PRKD3: variants seen among roughly 807,000 people sequenced by gnomAD.
PRKD3 encodes the protein serine/threonine-protein kinase D3.
PRKD3 carries 47 observed loss-of-function variants against 99.2 expected under a neutral mutation model. The observed-to-expected ratio is 0.47, with a 90% CI of 0.38 to 0.60. The LOEUF is 0.60. PRKD3 is among the 20% of genes least tolerant of loss of function. PRKD3 has a pLI of 0.00. For missense variants in PRKD3, 1,019 were observed against 1,088.4 expected (o/e 0.94, Z 0.90); for synonymous variants, 392 against 355.4 (o/e 1.10, Z -1.16).
intron 1 of PRKD3, among the ~76,000 whole-genome samples, chr2:37,319,857 T>A (rs1671805037): frequency 6.6e-6 from 1 of 152,178 alleles, no homozygotes; most frequent in African/African-American, 2.4e-5. Context: ...AATACTTGAA[T>A]AAGTGTTAAT....
intron 2 of PRKD3, among the ~76,000 whole-genome samples, chr2:37,295,263 A>C (rs1226248465): frequency 6.6e-6 from 1 of 152,190 alleles, no homozygotes; most frequent in East Asian, 1.9e-4. Context: ...AAATATATAT[A>C]GTATAAGGCA....
At chr2:37,262,681 T>C (rs918317798) in intron 14 of PRKD3, among the ~76,000 whole-genome samples, 19 of 151,684 alleles carry the variant, frequency 1.3e-4, no homozygotes, top group Admixed American at 2.6e-4. Context: ...CTATGCTTTT[T>C]CCCCCCTGCC....
chr2:37,300,480 G>A (rs1245133381), intron 2 of PRKD3, among the ~76,000 whole-genome samples: 1 of 152,144 alleles, frequency 6.6e-6, no homozygotes, highest in African/African-American at 2.4e-5. Context: ...GTAGACTACA[G>A]TTAACAACAA....
rs763399078 is a variant in PRKD3 at position 37,316,347 on chromosome 2, C to G, written c.178G>C (p.Val60Leu). The change falls in exon 2 of 19, where the codon GTT (valine) becomes CTT (leucine). Residue 60 changes from valine to leucine, a missense_variant. Val to Leu is a conservative substitution (Grantham distance 32). Transcript: ENST00000234179. The part of the protein sequence containing the change: ...LTNSRGSVHT[V>L]SFLLQIGLTR... ...AGGCCAATTTGCAGTAGAAATGAAA[C>G]TGTATGCACTGAGCCTCTGGAGTTG... 3 of 1,614,054 alleles carry G rather than the reference C, an allele frequency of 1.9e-6. No homozygotes were observed. In the African/African-American group the frequency reaches 4.0e-5, roughly 22 times the overall value.
rs114076296 is a variant in PRKD3 at position 37,305,149 on chromosome 2, C to T, written c.288+11088G>A. On this transcript the variant is annotated intron_variant, in intron 2 of 18. Coordinates refer to ENST00000234179, the MANE Select transcript of PRKD3 (RefSeq NM_005813.6). ...ATGACAACTGGGTTTTTTTTGACAACAAAAGATACAGCTGGGGTGTTCAGT... is the reference window on the plus strand; with the variant it reads ...ATGACAACTGGGTTTTTTTTGACAATAAAAGATACAGCTGGGGTGTTCAGT... 4.4e-3 allele frequency among the ~76,000 whole-genome samples: 667 copies of T among 151,872 alleles called. 2 individuals carry two copies. The highest frequency in any genetic ancestry group is 6.8e-3 in the Middle Eastern group (2 of 294).
rs1358593562 is a variant in PRKD3 at position 37,316,698 on chromosome 2, T to G, written c.-174A>C. Reference sequence around the variant, plus strand: ...ATACTTTTAAGTTTTATCAAGGAGTTGAATGCCCCAAAGGTCCTATTTCTC... The same window carrying G: ...ATACTTTTAAGTTTTATCAAGGAGTGGAATGCCCCAAAGGTCCTATTTCTC... On this transcript the variant is annotated 5_prime_UTR_variant, in exon 2 of 19. Coordinates refer to ENST00000234179, the MANE Select transcript of PRKD3 (RefSeq NM_005813.6). 1 of 1,429,798 alleles carries G rather than the reference T, an allele frequency of 7.0e-7. No individual in the cohort carries two copies. The highest frequency in any genetic ancestry group is 9.1e-7 in the Non-Finnish European group (1 of 1,099,074). 88.6% of individuals were successfully genotyped at this position (1,429,798 alleles called of 1,614,324 possible).
At chr2:37,284,084 T>C (rs1049982393) in intron 6 of PRKD3, among the ~76,000 whole-genome samples, 69 of 152,320 alleles carry the variant, frequency 4.5e-4, no homozygotes, top group South Asian at 6.2e-4. Context: ...CACATCAAAA[T>C]AGAAAATAAA....
intron 2 of PRKD3, among the ~76,000 whole-genome samples, chr2:37,296,793 C>T (rs548562141): frequency 1.1e-4 from 17 of 149,726 alleles, no homozygotes; most frequent in Admixed American, 2.7e-4. Flanking sequence ...CCAGCTACTC[C>T]GGAGACTGAG....
chr2:37,256,830 G>A lies in PRKD3; in HGVS notation c.2245C>T (p.Arg749Trp), dbSNP rs757179385. ...AGGGAACGGTTGTAACCTTTGCTCC[G>A]GAGAACTTCAGGGGCTAAGTATGCT... Reference protein sequence around the residue: ...TPAYLAPEVLRSKGYNRSLDM... With the variant: ...TPAYLAPEVLWSKGYNRSLDM... The change falls in exon 17 of 19, where the codon CGG (arginine) becomes TGG (tryptophan). Residue 749 changes from arginine (R) to tryptophan (W), a missense_variant. This residue lies in a region of PRKD3 where 184 missense variants were observed against 275.1 expected (regional missense o/e 0.67). Coordinates refer to ENST00000234179, the MANE Select transcript of PRKD3 (RefSeq NM_005813.6). 2.2e-5 allele frequency: 35 copies of A among 1,613,650 alleles called. No homozygotes were observed. Among genetic ancestry groups the A allele is most frequent in the Middle Eastern group, 3.3e-4 (2 of 6,082 alleles).
At chr2:37,277,072 A>C (rs1669610056) in intron 9 of PRKD3, among the ~76,000 whole-genome samples, 1 of 152,134 alleles carries the variant, frequency 6.6e-6, no homozygotes, top group Non-Finnish European at 1.5e-5. Flanking sequence ...TAGGCCAGCT[A>C]AATGTATTGG....
intron 14 of PRKD3, among the ~76,000 whole-genome samples, chr2:37,264,070 C>T (rs72863139): frequency 6.6e-6 from 1 of 152,156 alleles, no homozygotes; most frequent in African/African-American, 2.4e-5. Flanking sequence ...AAACATTTTA[C>T]ATTACCACAT....
intron 2 of PRKD3, among the ~76,000 whole-genome samples, chr2:37,295,402 T>C (rs997940572): frequency 1.3e-5 from 2 of 151,970 alleles, no homozygotes; most frequent in African/African-American, 2.4e-5. Flanking sequence ...TTTCCATAGG[T>C]TGAAAGTGTA....
intron 2 of PRKD3, among the ~76,000 whole-genome samples, chr2:37,298,766 G>A (rs1356175131): frequency 6.6e-6 from 1 of 152,104 alleles, no homozygotes; most frequent in African/African-American, 2.4e-5. Context: ...ATTTCTGTAT[G>A]TTGATTTTGT....
In PRKD3 at chr2:37,282,900, G is replaced by A. The variant is rs192958760; in HGVS notation, c.911-281C>T. ...ATTCATCTTTCCACATCTCCCATGA[G>A]AGTTTCTCAAGCTGATTAAATTCCT... On this transcript the variant is annotated intron_variant, in intron 6 of 18. Coordinates refer to ENST00000234179, the MANE Select transcript of PRKD3 (RefSeq NM_005813.6). Among the ~76,000 whole-genome samples the A allele has an allele frequency of 3.5e-3, 534 of 152,190 alleles. 5 individuals carry two copies. The highest frequency in any genetic ancestry group is 0.012 in the African/African-American group (508 of 41,508).
At chr2:37,283,190 C>A (rs1013172961) in intron 6 of PRKD3, among the ~76,000 whole-genome samples, 26 of 152,222 alleles carry the variant, frequency 1.7e-4, no homozygotes, top group African/African-American at 6.3e-4. Context: ...CTGTATAACA[C>A]AGTGGCTCTC....
chr2:37,257,676 A>G (rs1311247591), intron 16 of PRKD3, among the ~76,000 whole-genome samples: 2 of 121,390 alleles, frequency 1.6e-5, no homozygotes, highest in Non-Finnish European at 3.2e-5. Flanking sequence ...CAAAAGAAAA[A>G]AAAAAAAAAA....
intron 5 of PRKD3, among the ~76,000 whole-genome samples, chr2:37,288,049 C>T (rs1168916103): frequency 6.6e-6 from 1 of 152,160 alleles, no homozygotes; most frequent in Non-Finnish European, 1.5e-5. Context: ...CCCTAAGGAG[C>T]TTTCATGTTC....
chr2:37,289,050 T>C (rs531885331), intron 5 of PRKD3, among the ~76,000 whole-genome samples: 10 of 144,036 alleles, frequency 6.9e-5, no homozygotes, highest in African/African-American at 2.3e-4. Flanking sequence ...CAAGACTCCA[T>C]CTCAAAAAAA....
intron 2 of PRKD3, among the ~76,000 whole-genome samples, chr2:37,311,067 T>A (rs1671403791): frequency 6.6e-6 from 1 of 152,100 alleles, no homozygotes; most frequent in African/African-American, 2.4e-5. Flanking sequence ...GAAAGCAGAC[T>A]CTATATGTGC....
Sources: allele counts gnomAD v4.1 joint callset (sites outside exome capture counted in the v4.1 genomes callset), GRCh38; gene constraint gnomAD v4.1.1; regional missense constraint gnomAD v4.1.1; transcripts MANE v1.5; gene names NCBI Gene and HGNC (gene_info 2026-07-23, HGNC 2026-07-21).